ITGBL1: variants seen among roughly 807,000 people sequenced by gnomAD.
ITGBL1 encodes the protein integrin subunit beta like 1.
In ITGBL1, 51 loss-of-function variants were observed where a neutral mutation model predicts 68.5. The ratio of observed to expected loss-of-function variants is 0.74; its 90% CI spans 0.59 to 0.94. The LOEUF (loss-of-function observed/expected upper bound fraction) is 0.94. Among genes scored for constraint, ITGBL1 ranks in the 40% least tolerant of loss-of-function variants. The pLI, the probability that ITGBL1 is intolerant of heterozygous loss-of-function variation, is 0.00. For missense variants in ITGBL1, 649 were observed against 647.4 expected (o/e 1.00, Z -0.03); for synonymous variants, 209 against 227.3 (o/e 0.92, Z 0.72).
intron 2 of ITGBL1, among the ~76,000 whole-genome samples, chr13:101,497,407 A>C (rs2048872376): frequency 6.6e-6 from 1 of 152,158 alleles, no homozygotes. Flanking sequence ...AGCTTTAGAC[A>C]CAAGGCGATG....
intron 8 of ITGBL1, among the ~76,000 whole-genome samples, chr13:101,699,924 T>C (rs2034095621): frequency 6.6e-6 from 1 of 152,234 alleles, no homozygotes; most frequent in African/African-American, 2.4e-5. Context: ...CACGCTCCTT[T>C]GTCATTTCAT....
chr13:101,492,222 C>A (rs771606382), intron 2 of ITGBL1, among the ~76,000 whole-genome samples: 7 of 152,098 alleles, frequency 4.6e-5, no homozygotes, highest in Admixed American at 1.3e-4. Context: ...GTGGTGATTC[C>A]TCAAGGATAT....
chr13:101,705,653 C>A (rs961126668), intron 8 of ITGBL1, among the ~76,000 whole-genome samples: 1 of 151,982 alleles, frequency 6.6e-6, no homozygotes, highest in African/African-American at 2.4e-5. Context: ...TAATTGCAAA[C>A]CATTAAGCAT....
rs770838447 is a variant in ITGBL1, at chr13:101,453,969, T to C, written c.185T>C (p.Leu62Pro). ...RAPGQPPGAA[L>P]CHGRGRCDCG... is the part of the protein sequence containing the mutation. Reference sequence around the variant, plus strand: ...CCTGGGCAGCCCCCGGGGGCCGCGCTGTGCCACGGCCGGGGCCGCTGCGAC... The same window carrying C: ...CCTGGGCAGCCCCCGGGGGCCGCGCCGTGCCACGGCCGGGGCCGCTGCGAC... The change falls in exon 2 of 11, where the codon CTG (leucine) becomes CCG (proline). Residue 62 changes from leucine to proline, a missense_variant. Physicochemically the swap from Leu to Pro is moderately conservative, Grantham distance 98 (BLOSUM62 -3). Transcript: ENST00000376180. 6.6e-7 allele frequency: 1 copy of C among 1,521,858 alleles called. No individual in the cohort carries two copies. Among genetic ancestry groups the C allele is most frequent in the South Asian group, 1.2e-5 (1 of 80,192 alleles). 94.3% of individuals were successfully genotyped at this position (1,521,858 alleles called of 1,614,324 possible).
rs1393244282 is a variant in ITGBL1 at position 101,454,020 on chromosome 13, C to G, written c.236C>G (p.Thr79Ser). 1 of 1,584,032 alleles carries G rather than the reference C, an allele frequency of 6.3e-7. No homozygotes were observed. Among genetic ancestry groups the G allele is most frequent in the Admixed American group, 1.8e-5 (1 of 55,810 alleles). The stretch of plus-strand genomic sequence containing the variant: ...TGCGGCGTCTGCATCTGCCACGTGA[C>G]TGAGCCGGGCATGTTCTTCGGGCCC... ...CDCGVCICHV[T>S]EPGMFFGPLC... The change falls in exon 2 of 11, where the codon ACT becomes AGT. Residue 79 changes from threonine to serine, a missense_variant. Thr to Ser is a moderately conservative substitution (Grantham distance 58). Transcript: ENST00000376180.
intron 2 of ITGBL1, among the ~76,000 whole-genome samples, chr13:101,492,924 C>A (rs2048801834): frequency 6.6e-6 from 1 of 152,196 alleles, no homozygotes; most frequent in Non-Finnish European, 1.5e-5. Context: ...AGTTCAAATG[C>A]AGAAGCTTCA....
chr13:101,589,982 T>A (rs1013884749), intron 6 of ITGBL1, among the ~76,000 whole-genome samples: 6 of 152,238 alleles, frequency 3.9e-5, no homozygotes, highest in Admixed American at 3.3e-4. Context: ...AATAGAATTA[T>A]GTTAGGGGAA....
chr13:101,520,228 G>A (rs1318218989), intron 2 of ITGBL1, among the ~76,000 whole-genome samples: 1 of 152,118 alleles, frequency 6.6e-6, no homozygotes, highest in Non-Finnish European at 1.5e-5. Context: ...CATAAATTTT[G>A]TGGGATTTCT....
chr13:101,617,857 G>A (rs550494881), intron 7 of ITGBL1, among the ~76,000 whole-genome samples: 3 of 152,248 alleles, frequency 2.0e-5, no homozygotes, highest in South Asian at 2.1e-4. Flanking sequence ...CAGAACCTGA[G>A]GAGACAGTAG....
At chr13:101,663,618 A>G (rs997956672) in intron 7 of ITGBL1, among the ~76,000 whole-genome samples, 3 of 152,190 alleles carry the variant, frequency 2.0e-5, no homozygotes, top group African/African-American at 7.2e-5. Flanking sequence ...AATTGAGGTA[A>G]TGTTCCATTT....
At chr13:101,578,979 G>T (rs760362785) in intron 4 of ITGBL1, among the ~76,000 whole-genome samples, 1 of 152,162 alleles carries the variant, frequency 6.6e-6, no homozygotes, top group Non-Finnish European at 1.5e-5. Flanking sequence ...TGGGTTTGAT[G>T]TGTGCATTTG....
intron 7 of ITGBL1, among the ~76,000 whole-genome samples, chr13:101,600,779 G>A (rs1038381232): frequency 6.6e-6 from 1 of 152,150 alleles, no homozygotes; most frequent in Non-Finnish European, 1.5e-5. Context: ...TGCATCCCAG[G>A]GATGAAGCCC....
intron 2 of ITGBL1, among the ~76,000 whole-genome samples, chr13:101,457,769 T>C (rs1039093480): frequency 6.6e-6 from 1 of 151,988 alleles, no homozygotes; most frequent in African/African-American, 2.4e-5. Flanking sequence ...TGAGCCAAGA[T>C]TGCGCCATTG....
chr13:101,583,121 C>T (rs1351686935), intron 5 of ITGBL1, 95 bp from the exon 6 acceptor site: 2 of 1,292,328 alleles, frequency 1.5e-6, no homozygotes, highest in African/African-American at 3.0e-5. Flanking sequence ...TTTTTTCAAA[C>T]ACAAAGTAAA....
chr13:101,516,519 C>T lies in ITGBL1; in HGVS notation c.317-51180C>T, dbSNP rs145768357. 4.8e-3 allele frequency among the ~76,000 whole-genome samples: 723 copies of T among 152,144 alleles called. 5 individuals carry two copies. Among genetic ancestry groups the T allele is most frequent in the Middle Eastern group, 0.017 (5 of 294 alleles). The stretch of plus-strand genomic sequence containing the variant: ...TTCTGCTCAAGGAAATCCACAATAT[C>T]GCAACTAGTAATTGACTGCATTTTA... On this transcript the variant is annotated intron_variant, in intron 2 of 10. Transcript: ENST00000376180.
intron 2 of ITGBL1, among the ~76,000 whole-genome samples, chr13:101,542,270 G>A (rs941647539): frequency 6.6e-5 from 10 of 152,086 alleles, no homozygotes; most frequent in Non-Finnish European, 1.0e-4. Flanking sequence ...TGTTCTCATT[G>A]GTTTCAAAGA....
At chr13:101,505,442 G>A (rs934256712) in intron 2 of ITGBL1, among the ~76,000 whole-genome samples, 12 of 152,120 alleles carry the variant, frequency 7.9e-5, no homozygotes, top group African/African-American at 2.7e-4. Flanking sequence ...GGAGAGAAGG[G>A]TGTTTATTTG....
chr13:101,615,924 G>A (rs2031340075), intron 7 of ITGBL1, among the ~76,000 whole-genome samples: 1 of 152,194 alleles, frequency 6.6e-6, no homozygotes, highest in South Asian at 2.1e-4. Context: ...GCTAGACACT[G>A]CATCTTCCGG....
chr13:101,597,988 G>C (rs2030089576), intron 6 of ITGBL1, among the ~76,000 whole-genome samples, 165 bp from the exon 7 acceptor site: 1 of 152,012 alleles, frequency 6.6e-6, no homozygotes, highest in African/African-American at 2.4e-5. Flanking sequence ...ATTCATATAA[G>C]TCAGTTATTT....
Sources: allele counts gnomAD v4.1 joint callset (sites outside exome capture counted in the v4.1 genomes callset), GRCh38; gene constraint gnomAD v4.1.1; transcripts MANE v1.5; gene names NCBI Gene and HGNC (gene_info 2026-07-23, HGNC 2026-07-21).